TMED3: variants seen among roughly 807,000 people sequenced by gnomAD.
TMED3 encodes the protein transmembrane emp24 domain-containing protein 3.
A neutral mutation model predicts 15.0 loss-of-function variants in TMED3; 9 were observed. The observed-to-expected ratio is 0.60, with a 90% CI of 0.36 to 1.04. The LOEUF (loss-of-function observed/expected upper bound fraction) is 1.04, where lower values mean the gene tolerates loss of function less well. Among genes scored for constraint, TMED3 ranks in the 50% least tolerant of loss-of-function variants. The pLI is 0.01. For missense variants in TMED3, 267 were observed against 278.9 expected (o/e 0.96, Z 0.30); for synonymous variants, 117 against 121.4 (o/e 0.96, Z 0.24).
intron 2 of TMED3, among the ~76,000 whole-genome samples, chr15:79,367,119 C>G (rs1051573741): frequency 1.3e-5 from 2 of 152,224 alleles, no homozygotes; most frequent in African/African-American, 2.4e-5. Context: ...TTCTTCTTTC[C>G]GGGTGAAGGA....
At position 79,392,341 on chromosome 15, in the gene TMED3, T is replaced by C. The variant is rs536128518; in HGVS notation, c.418-19059T>C. ...CAGCATTTGTTCATCTGAAAAAGAC[T>C]GTATCTTTCCTTCATATATGATGCT... is the stretch of plus-strand genomic sequence containing the variant. On this transcript the variant is annotated intron_variant, in intron 2 of 2. Transcript: ENST00000424155. Among the ~76,000 whole-genome samples the C allele has an allele frequency of 1.2e-4, 19 of 152,330 alleles. 1 individual carries two copies. The East Asian group carries it at 3.5e-3, about 28-fold the overall frequency.
Position 79,322,001 on chromosome 15 carries a change from C to T in TMED3, c.441C>T (p.Ile147=). The T allele has an allele frequency of 1.2e-6, 2 of 1,614,176 alleles. No homozygotes were observed. Among genetic ancestry groups the T allele is most frequent in the Non-Finnish European group, 1.7e-6 (2 of 1,180,022 alleles). ...AGATGGAGTCCGCCTGCGTGACCAT[C>T]CATGAGGCTCTGAAAACGGTGATTG... The part of the protein sequence containing the change: ...LTQMESACVT[I]HEALKTVIDS... The change falls in exon 3 of 3, where the codon ATC becomes ATT. Residue 147 remains isoleucine, a synonymous_variant. Transcript: ENST00000299705.
chr15:79,315,454 C>T (rs1459909066), intron 2 of TMED3, among the ~76,000 whole-genome samples: 6 of 152,054 alleles, frequency 3.9e-5, no homozygotes, highest in Admixed American at 3.3e-4. Context: ...CTTTTGCAAC[C>T]GATACTCATG....
intron 2 of TMED3, among the ~76,000 whole-genome samples, chr15:79,335,797 A>G (rs2058824905): frequency 6.6e-6 from 1 of 152,240 alleles, no homozygotes; most frequent in Non-Finnish European, 1.5e-5. Flanking sequence ...AGAAAATGTA[A>G]ACGCTAGCTT....
At chr15:79,409,257 T>C (rs1294678445) in intron 2 of TMED3, among the ~76,000 whole-genome samples, 1 of 152,198 alleles carries the variant, frequency 6.6e-6, no homozygotes, top group Non-Finnish European at 1.5e-5. Context: ...TTTGGAACAC[T>C]CCTTCTCAGT....
chr15:79,330,244 A>G (rs1362343613), intron 2 of TMED3, among the ~76,000 whole-genome samples: 1 of 152,240 alleles, frequency 6.6e-6, no homozygotes, highest in African/African-American at 2.4e-5. Flanking sequence ...GAGCAATTCA[A>G]ATTGTCCTTG....
At chr15:79,401,107 G>A (rs570890808) in intron 2 of TMED3, among the ~76,000 whole-genome samples, 8 of 152,110 alleles carry the variant, frequency 5.3e-5, no homozygotes, top group Non-Finnish European at 1.0e-4. Context: ...TGCGCCTTAG[G>A]ATTTTTATTT....
chr15:79,327,364 TTA>T (rs574100151), downstream of TMED3, among the ~76,000 whole-genome samples: 407 of 152,300 alleles, frequency 2.7e-3, no homozygotes, highest in Non-Finnish European at 4.6e-3. Context: ...TTTCTGTTAT[TTA>T]TATGTCACCC....
chr15:79,321,839 C>A lies in TMED3; in HGVS notation c.418-139C>A, dbSNP rs569278518. 3.7e-6 allele frequency: 4 copies of A among 1,090,592 alleles called. No individual in the cohort carries two copies. In the South Asian group the frequency reaches 6.3e-5, roughly 17 times the overall value. 67.6% of individuals were successfully genotyped at this position (1,090,592 alleles called of 1,614,324 possible). ...GCTTGTTGTGAGGATTAAATAAAACCACGTAAAACCCTTAGCACAGACTCT... is the reference window on the plus strand; with the variant it reads ...GCTTGTTGTGAGGATTAAATAAAACAACGTAAAACCCTTAGCACAGACTCT... On this transcript the variant is annotated intron_variant, in intron 2 of 2. Transcript: ENST00000299705.
At chr15:79,358,638 T>C (rs1256894570) in intron 2 of TMED3, among the ~76,000 whole-genome samples, 2 of 152,216 alleles carry the variant, frequency 1.3e-5, no homozygotes, top group Non-Finnish European at 2.9e-5. Flanking sequence ...CCCTAGGACC[T>C]CTGACCACTG....
intron 2 of TMED3, among the ~76,000 whole-genome samples, chr15:79,402,900 G>A (rs1893852849): frequency 6.6e-6 from 1 of 152,088 alleles, no homozygotes; most frequent in African/African-American, 2.4e-5. Flanking sequence ...TTGGGCCAGA[G>A]AGCCTTGTGA....
chr15:79,338,511 A>T (rs2058835969), intron 2 of TMED3, among the ~76,000 whole-genome samples: 1 of 152,224 alleles, frequency 6.6e-6, no homozygotes, highest in Non-Finnish European at 1.5e-5. Flanking sequence ...CCAGGTGCCG[A>T]GGCAAGAGAC....
At chr15:79,317,267 C>T (rs2058744630) in intron 2 of TMED3, among the ~76,000 whole-genome samples, 1 of 152,196 alleles carries the variant, frequency 6.6e-6, no homozygotes, top group African/African-American at 2.4e-5. Context: ...TAAAGTGATG[C>T]TTCACATAAA....
At chr15:79,317,253 C>A (rs996270807) in intron 2 of TMED3, among the ~76,000 whole-genome samples, 10 of 152,194 alleles carry the variant, frequency 6.6e-5, no homozygotes, top group African/African-American at 2.4e-4. Flanking sequence ...TGGATCTAGG[C>A]CTTTAAAGTG....
chr15:79,374,575 A>G (rs1451604221), intron 2 of TMED3, among the ~76,000 whole-genome samples: 1 of 152,210 alleles, frequency 6.6e-6, no homozygotes, highest in Non-Finnish European at 1.5e-5. Context: ...TCAGTTAAAA[A>G]TTCCCACATG....
intron 2 of TMED3, among the ~76,000 whole-genome samples, chr15:79,332,635 A>G (rs1232025892): frequency 1.3e-5 from 2 of 152,204 alleles, no homozygotes; most frequent in Non-Finnish European, 2.9e-5. Context: ...TTTCCAGACA[A>G]GGTAAAACCG....
intron 2 of TMED3, among the ~76,000 whole-genome samples, chr15:79,357,788 T>C (rs1262116557): frequency 2.0e-5 from 3 of 152,130 alleles, no homozygotes; most frequent in Admixed American, 2.0e-4. Flanking sequence ...TTCTTAGTAG[T>C]TGCAAAGGAC....
chr15:79,322,972 G>A (rs985346317), downstream of TMED3: 1 of 887,556 alleles, frequency 1.1e-6, no homozygotes, highest in Non-Finnish European at 1.4e-6. Context: ...GTGCAGAGAT[G>A]TATAGAGTGG....
intron 2 of TMED3, among the ~76,000 whole-genome samples, chr15:79,328,617 G>A (rs985389796): frequency 6.6e-6 from 1 of 152,148 alleles, no homozygotes; most frequent in African/African-American, 2.4e-5. Flanking sequence ...GATGGGGTTG[G>A]GGGCAAGGAT....
Sources: gnomAD v4.1 joint callset for allele counts (sites outside exome capture counted in the v4.1 genomes callset) on GRCh38, gnomAD v4.1.1 for gene constraint, MANE v1.5 for transcripts, NCBI Gene and HGNC (gene_info 2026-07-23, HGNC 2026-07-21) for gene names.